The following SLC6A6 variants were observed in gnomAD, a reference collection of about 807,000 sequenced individuals.
SLC6A6 encodes the protein solute carrier family 6 member 6, also known as sodium- and chloride-dependent taurine transporter.
Under a neutral mutation model 68.8 loss-of-function variants are expected in SLC6A6, and 16 were observed. The ratio of observed to expected loss-of-function variants is 0.23; its 90% CI spans 0.16 to 0.35. The LOEUF (loss-of-function observed/expected upper bound fraction) is 0.35. Among genes scored for constraint, SLC6A6 ranks in the 10% least tolerant of loss-of-function variants. The pLI, the probability that SLC6A6 is intolerant of heterozygous loss-of-function variation, is 1.00. For synonymous variants in SLC6A6, 312 were observed against 315.4 expected, an observed-to-expected ratio of 0.99 and a Z score of 0.12; for missense variants, 474 against 802.8, an observed-to-expected ratio of 0.59 and a Z score of 4.95.
chr3:14,461,630 G>T (rs542618160), intron 6 of SLC6A6, among the ~76,000 whole-genome samples: 1 of 152,170 alleles, frequency 6.6e-6, no homozygotes, highest in African/African-American at 2.4e-5. Context: ...AGCTCTTTTT[G>T]CCTGGTTAAA....
At chr3:14,474,885 C>T (rs920452871) in intron 10 of SLC6A6, among the ~76,000 whole-genome samples, 17 of 152,262 alleles carry the variant, frequency 1.1e-4, no homozygotes, top group African/African-American at 4.1e-4. Context: ...GTCACCCTGA[C>T]TCATCAGGGG....
At chr3:14,456,766 C>A (rs1700376353) in intron 5 of SLC6A6, among the ~76,000 whole-genome samples, 1 of 152,156 alleles carries the variant, frequency 6.6e-6, no homozygotes, top group African/African-American at 2.4e-5. Context: ...TCACTCCCTG[C>A]CCCTCCTGCA....
At chr3:14,418,507 A>G (rs1321192899) in intron 2 of SLC6A6, among the ~76,000 whole-genome samples, 1 of 152,170 alleles carries the variant, frequency 6.6e-6, no homozygotes, top group African/African-American at 2.4e-5. Flanking sequence ...GCCACTGGGC[A>G]GGCATGGAGG....
At position 14,443,807 on chromosome 3, in the gene SLC6A6, T is replaced by C; in HGVS notation, c.173T>C (p.Phe58Ser). 6.2e-7 allele frequency: 1 copy of C among 1,614,132 alleles called. No individual in the cohort carries two copies. Among genetic ancestry groups the C allele is most frequent in the Non-Finnish European group, 8.5e-7 (1 of 1,180,006 alleles). Residue 58 changes from phenylalanine (F) to serine (S), a missense_variant, in exon 3 of 15, where the codon TTC becomes TCC. By Grantham distance (155) the Phe-to-Ser change is radical. Coordinates refer to ENST00000622186, the MANE Select transcript of SLC6A6 (RefSeq NM_003043.6). ...TTTGTGCTCTCTGTGGCTGGCGGCT[T>C]CGTGGGCTTGGGCAACGTCTGGCGC... Reference protein sequence around the residue: ...IDFVLSVAGGFVGLGNVWRFP... With the variant: ...IDFVLSVAGGSVGLGNVWRFP...
intron 2 of SLC6A6, among the ~76,000 whole-genome samples, chr3:14,437,489 T>C (rs6783628): frequency 0.29 from 43,647 of 152,112 alleles, 6,373 homozygotes; most frequent in African/African-American, 0.34. Flanking sequence ...TTAAAATTGA[T>C]AAATAAAAAT....
rs1179922549 is a variant in SLC6A6, at chr3:14,486,067, G to T, written c.*1060G>T. The T allele has an allele frequency of 1.3e-5, 2 of 152,852 alleles. No homozygotes were observed. Among genetic ancestry groups the T allele is most frequent in the African/African-American group, 4.8e-5 (2 of 41,584 alleles). 9.5% of individuals were successfully genotyped at this position (152,852 alleles called of 1,614,324 possible). ...CAGCATCTCTTAAAGTTGCCTGCAG[G>T]AATGAAGCATGACATACCTGTTGAG... On this transcript the variant is annotated 3_prime_UTR_variant, in exon 15 of 15. Coordinates refer to ENST00000622186, the MANE Select transcript of SLC6A6 (RefSeq NM_003043.6).
intron 7 of SLC6A6, 82 bp from the exon 8 acceptor site, chr3:14,467,771 G>T (rs1700654221): frequency 1.5e-5 from 12 of 779,036 alleles, no homozygotes; most frequent in Non-Finnish European, 2.6e-5. Context: ...TCGCCAGGTG[G>T]ACATAACCCT....
At chr3:14,475,316 A>G (rs3729590) in intron 10 of SLC6A6, among the ~76,000 whole-genome samples, 35,242 of 151,908 alleles carry the variant, frequency 0.23, 4,964 homozygotes, top group African/African-American at 0.38. Flanking sequence ...ACAGACGTGA[A>G]CCACTGCACC....
chr3:14,413,181 C>T (rs147474785), intron 1 of SLC6A6, among the ~76,000 whole-genome samples: 234 of 152,290 alleles, frequency 1.5e-3, no homozygotes, highest in Middle Eastern at 3.4e-3. Context: ...ATGCTCTGGG[C>T]GCCTGGAAAA....
At chr3:14,414,679 C>T (rs995940262) in intron 1 of SLC6A6, among the ~76,000 whole-genome samples, 4 of 152,108 alleles carry the variant, frequency 2.6e-5, no homozygotes, top group Admixed American at 6.5e-5. Flanking sequence ...GCATGTGCCA[C>T]CATACCCAGC....
chr3:14,409,654 GA>G (rs1574904541), intron 1 of SLC6A6, among the ~76,000 whole-genome samples: 1 of 152,320 alleles, frequency 6.6e-6, no homozygotes, highest in East Asian at 1.9e-4. Flanking sequence ...GGAGGGAGGG[GA>G]GATCCCTATC....
chr3:14,438,911 A>G (rs938101047), intron 2 of SLC6A6, among the ~76,000 whole-genome samples: 3 of 152,008 alleles, frequency 2.0e-5, no homozygotes, highest in Admixed American at 2.0e-4. Context: ...GGTGCAGAGA[A>G]CTCTCGAGCC....
Position 14,468,355 on chromosome 3 carries a change from A to C in SLC6A6, c.1096+143A>C. The C allele has an allele frequency of 1.4e-6, 1 of 724,088 alleles. No individual in the cohort carries two copies. The highest frequency in any genetic ancestry group is 2.2e-6 in the Non-Finnish European group (1 of 462,444). The allele number at this position is 724,088 out of a possible 1,614,324, so 44.9% of individuals were successfully genotyped here. ...AATGGACCCCCCCCCCGCCACCAAGATATCCCCCAAATTTCAAAGAGTACA... is the reference window on the plus strand; with the variant it reads ...AATGGACCCCCCCCCCGCCACCAAGCTATCCCCCAAATTTCAAAGAGTACA... On this transcript the variant is annotated intron_variant, in intron 9 of 14. Coordinates refer to ENST00000622186, the MANE Select transcript of SLC6A6 (RefSeq NM_003043.6). The surrounding 1 kb of genome is among the most constrained non-coding windows in gnomAD (Gnocchi z 4.5).
rs1235955936 is a variant in SLC6A6 at position 14,477,168 on chromosome 3, T to A, written c.1210-37T>A. The A allele has an allele frequency of 1.3e-6, 2 of 1,594,756 alleles. No homozygotes were observed. The highest frequency in any genetic ancestry group is 8.6e-7 in the Non-Finnish European group (1 of 1,166,204). On this transcript the variant is annotated intron_variant, in intron 10 of 14. Coordinates refer to ENST00000622186, the MANE Select transcript of SLC6A6 (RefSeq NM_003043.6). This position sits in a 1 kb window ranked among gnomAD's most constrained non-coding sequence, Gnocchi z 4.2. ...GCAGCAGGCAAGGGTGGCCTGAGCG[T>A]CAGCCGCTCACCAGCTCTCTCTCTT...
intron 2 of SLC6A6, among the ~76,000 whole-genome samples, chr3:14,441,501 GC>G (rs2124940729): frequency 6.6e-6 from 1 of 152,294 alleles, no homozygotes; most frequent in East Asian, 1.9e-4. Flanking sequence ...GGCTCCATGA[GC>G]TGCCCAGAGG....
intron 2 of SLC6A6, among the ~76,000 whole-genome samples, chr3:14,442,065 G>A (rs180783888): frequency 1.1e-4 from 17 of 152,346 alleles, no homozygotes; most frequent in African/African-American, 3.1e-4. Flanking sequence ...CCAGCCAAGC[G>A]AGTGTGTCCT....
At chr3:14,425,261 G>A (rs1699568624) in intron 2 of SLC6A6, among the ~76,000 whole-genome samples, 2 of 152,200 alleles carry the variant, frequency 1.3e-5, no homozygotes, top group African/African-American at 4.8e-5. Flanking sequence ...CTTGCAGCTG[G>A]GAAGGGGTGC....
intron 2 of SLC6A6, among the ~76,000 whole-genome samples, chr3:14,441,705 C>G (rs114377856): frequency 0.01 from 1,527 of 152,360 alleles, 25 homozygotes; most frequent in African/African-American, 0.034. Context: ...TCTCCACACC[C>G]CAAGTCCTCA....
Position 14,472,408 on chromosome 3 carries a change from C to A in SLC6A6, c.1209+91C>A. ...TTATTCCACCTGGGAGGTGGTCAAC[C>A]CCCTTCCCCCCTCCAGTCAGACTTC... is the stretch of plus-strand genomic sequence containing the variant. On this transcript the variant is annotated intron_variant, in intron 10 of 14. Transcript: ENST00000622186. The surrounding 1 kb of genome is among the most constrained non-coding windows in gnomAD (Gnocchi z 4.5). 1 of 764,860 alleles carries A rather than the reference C, an allele frequency of 1.3e-6. No individual in the cohort carries two copies. Among genetic ancestry groups the A allele is most frequent in the South Asian group, 1.5e-5 (1 of 66,294 alleles). The allele number at this position is 764,860 out of a possible 1,614,324, so 47.4% of individuals were successfully genotyped here.
Sources: allele counts gnomAD v4.1 joint callset (sites outside exome capture counted in the v4.1 genomes callset), GRCh38; gene constraint gnomAD v4.1.1; non-coding constraint Gnocchi (gnomAD v3.1); transcripts MANE v1.5; gene names NCBI Gene and HGNC (gene_info 2026-07-23, HGNC 2026-07-21).